The following NCEH1 variants were observed in gnomAD, a reference collection of about 807,000 sequenced individuals.
NCEH1 encodes the protein neutral cholesterol ester hydrolase 1, also known as 2-acetyl MAGE hydrolase.
Under a neutral mutation model 25.4 loss-of-function variants are expected in NCEH1, and 9 were observed. The observed-to-expected ratio is 0.35, with a 90% CI of 0.21 to 0.62. NCEH1 has a LOEUF of 0.62. Among genes scored for constraint, NCEH1 ranks in the 20% least tolerant of loss-of-function variants. The probability of loss-of-function intolerance (pLI) is 0.72; values close to 1 mark genes in which losing one functional copy is unlikely to be tolerated. For missense variants in NCEH1, 412 were observed against 501.1 expected (o/e 0.82, Z 1.70); for synonymous variants, 200 against 199.8 (o/e 1.00, Z -0.01).
rs997863602 is a variant in NCEH1 at position 172,701,456 on chromosome 3, T to TTTTTTTTTTTC, written c.138+9390_138+9391insGAAAAAAAAAA. On this transcript the variant is annotated intron_variant, in intron 1 of 4. Coordinates refer to ENST00000475381, the MANE Select transcript of NCEH1 (RefSeq NM_020792.6). ...TCCTAGATGGTCTTTTGCCTTTTTTTTTTTTTTTTTAAAGACGGAGTCTCC... is the reference window on the plus strand; with the variant it reads ...TCCTAGATGGTCTTTTGCCTTTTTTTTTTTTTTTTTCTTTTTTTTTTAAAGACGGAGTCTCC... Among the ~76,000 whole-genome samples the TTTTTTTTTTTC allele has an allele frequency of 7.2e-5, 10 of 139,054 alleles. No homozygotes were observed. In the South Asian group the frequency reaches 1.7e-3, roughly 23 times the overall value. 91.2% of individuals were successfully genotyped at this position (139,054 alleles called of 152,430 possible).
At chr3:172,675,881 T>C (rs539750982) in intron 1 of NCEH1, among the ~76,000 whole-genome samples, 63 of 152,322 alleles carry the variant, frequency 4.1e-4, no homozygotes, top group African/African-American at 1.4e-3. Flanking sequence ...ATGGTGGTAA[T>C]CTTAATGCTC....
Position 172,633,427 on chromosome 3 carries a change from G to C in NCEH1, c.*48C>G. 3.2e-6 allele frequency: 5 copies of C among 1,565,120 alleles called. No homozygotes were observed. Among genetic ancestry groups the C allele is most frequent in the Non-Finnish European group, 4.3e-6 (5 of 1,151,286 alleles). ...AAAAAGTGCATGTCTTTCCAAAGCAGGTGTAGGAGGTCAAGAGGGGCTCGA... is the reference window on the plus strand; with the variant it reads ...AAAAAGTGCATGTCTTTCCAAAGCACGTGTAGGAGGTCAAGAGGGGCTCGA... On this transcript the variant is annotated 3_prime_UTR_variant, in exon 5 of 5. Transcript: ENST00000475381.
intron 1 of NCEH1, among the ~76,000 whole-genome samples, chr3:172,681,774 G>A: frequency 6.6e-6 from 1 of 150,968 alleles, no homozygotes; most frequent in Non-Finnish European, 1.5e-5. Context: ...AGGCATGATG[G>A]CGGATGCCTT....
chr3:172,659,410 AC>A (rs1440926033), intron 1 of NCEH1, among the ~76,000 whole-genome samples: 1 of 152,172 alleles, frequency 6.6e-6, no homozygotes, highest in Non-Finnish European at 1.5e-5. Flanking sequence ...CAGGGGGACA[AC>A]CATGTTAATT....
chr3:172,671,998 G>C (rs1263675742), intron 1 of NCEH1, among the ~76,000 whole-genome samples: 7 of 152,126 alleles, frequency 4.6e-5, no homozygotes, highest in African/African-American at 1.7e-4. Context: ...AATGTCCTAG[G>C]CCTTCACATT....
At chr3:172,676,474 T>TC (rs978206195) in intron 1 of NCEH1, among the ~76,000 whole-genome samples, 1 of 152,160 alleles carries the variant, frequency 6.6e-6, no homozygotes, top group Non-Finnish European at 1.5e-5. Flanking sequence ...GCCAGGTTTT[T>TC]CACAGGCAAT....
intron 3 of NCEH1, among the ~76,000 whole-genome samples, chr3:172,637,904 G>A (rs187866047): frequency 8.3e-4 from 125 of 150,532 alleles, no homozygotes; most frequent in Non-Finnish European, 1.5e-3. Flanking sequence ...AAAAATAGCC[G>A]GGCATGGTGG....
At chr3:172,679,238 A>G (rs1712205433) in intron 1 of NCEH1, among the ~76,000 whole-genome samples, 1 of 152,254 alleles carries the variant, frequency 6.6e-6, no homozygotes, top group African/African-American at 2.4e-5. Flanking sequence ...GACCACTATA[A>G]GCATGCCAGG....
At chr3:172,706,010 CAAAA>C (rs35383888) in intron 1 of NCEH1, among the ~76,000 whole-genome samples, 33 of 103,924 alleles carry the variant, frequency 3.2e-4, no homozygotes, top group African/African-American at 8.8e-4. Context: ...CAACAACAAC[CAAAA>C]AAAAAAAAAA....
At chr3:172,689,126 A>G (rs2108526830) in intron 1 of NCEH1, among the ~76,000 whole-genome samples, 1 of 152,306 alleles carries the variant, frequency 6.6e-6, no homozygotes. Context: ...ATTTCTGGAA[A>G]AGCCAAAGTT....
chr3:172,638,408 A>G (rs1294036750), intron 3 of NCEH1, among the ~76,000 whole-genome samples: 1 of 147,852 alleles, frequency 6.8e-6, no homozygotes, highest in East Asian at 2.0e-4. Flanking sequence ...TTTTTTTTCC[A>G]GTTGATTTTT....
intron 1 of NCEH1, among the ~76,000 whole-genome samples, chr3:172,678,222 C>T (rs1712126626): frequency 6.6e-6 from 1 of 152,176 alleles, no homozygotes; most frequent in Admixed American, 6.5e-5. Context: ...CCTACATAAA[C>T]AGTGTCTGAG....
intron 2 of NCEH1, among the ~76,000 whole-genome samples, chr3:172,646,075 G>C (rs975618349): frequency 6.6e-6 from 1 of 152,210 alleles, no homozygotes; most frequent in Admixed American, 6.5e-5. Flanking sequence ...ATTTTAGGCT[G>C]GGAGTGGTGG....
chr3:172,664,108 T>G (rs1430335561), intron 1 of NCEH1, among the ~76,000 whole-genome samples: 1 of 152,212 alleles, frequency 6.6e-6, no homozygotes, highest in African/African-American at 2.4e-5. Flanking sequence ...AGTTGTTCCT[T>G]TCCATGTTTA....
chr3:172,636,119 C>T (rs1443588470), intron 3 of NCEH1, 32 bp from the exon 4 acceptor site: 2 of 1,539,396 alleles, frequency 1.3e-6, no homozygotes, highest in South Asian at 1.2e-5. Flanking sequence ...TCATTTAAGG[C>T]CTTCTCCAAT....
At chr3:172,644,419 A>C (rs990191725) in intron 3 of NCEH1, among the ~76,000 whole-genome samples, 1 of 152,176 alleles carries the variant, frequency 6.6e-6, no homozygotes, top group Non-Finnish European at 1.5e-5. Flanking sequence ...AGGCAGAGGG[A>C]AGAAGAGAAC....
At chr3:172,679,386 T>C (rs535156960) in intron 1 of NCEH1, among the ~76,000 whole-genome samples, 3 of 152,260 alleles carry the variant, frequency 2.0e-5, no homozygotes, top group Non-Finnish European at 4.4e-5. Flanking sequence ...TATTTATTCC[T>C]AATTAGACGG....
rs149693482 is a variant in NCEH1 at position 172,673,424 on chromosome 3, T to C, written c.139-25310A>G. Among the ~76,000 whole-genome samples, 1,112 of 152,224 alleles carry C rather than the reference T, an allele frequency of 7.3e-3. 17 individuals carry two copies. Among genetic ancestry groups the C allele is most frequent in the African/African-American group, 0.025 (1,039 of 41,546 alleles). On this transcript the variant is annotated intron_variant, in intron 1 of 4. Transcript: ENST00000475381. Reference sequence around the variant, plus strand: ...ACTCTCCCCAAACACAAGCGCTCAATTGGCTGAGCTAAGAGCTCTTACAAG... The same window carrying C: ...ACTCTCCCCAAACACAAGCGCTCAACTGGCTGAGCTAAGAGCTCTTACAAG...
Position 172,710,903 on chromosome 3 carries a change from A to T in NCEH1, c.82T>A (p.Ser28Thr), listed in dbSNP as rs771829165. 1 of 1,614,130 alleles carries T rather than the reference A, an allele frequency of 6.2e-7. No individual in the cohort carries two copies. The highest frequency in any genetic ancestry group is 2.2e-5 in the East Asian group (1 of 44,896). The change falls in exon 1 of 5, where the codon TCC becomes ACC. Residue 28 changes from serine (S) to threonine (T), a missense_variant. Ser to Thr is a moderately conservative substitution (Grantham distance 58). This residue lies in a region of NCEH1 where 178 missense variants were observed against 189.2 expected (regional missense o/e 0.94). Transcript: ENST00000475381. ...YVYIPLPGSV[S>T]DPWKLMLLDA... The stretch of plus-strand genomic sequence containing the variant: ...AGCAGCATCAGCTTCCAGGGGTCGG[A>T]CACGGAGCCAGGCAGCGGGATGTAG...
Sources: allele counts gnomAD v4.1 joint callset (sites outside exome capture counted in the v4.1 genomes callset), GRCh38; gene constraint gnomAD v4.1.1; regional missense constraint gnomAD v4.1.1; transcripts MANE v1.5; gene names NCBI Gene and HGNC (gene_info 2026-07-23, HGNC 2026-07-21).